SIL1: variants seen among roughly 807,000 people sequenced by gnomAD.
The protein encoded by SIL1 is SIL1 nucleotide exchange factor.
Under a neutral mutation model 49.1 loss-of-function variants are expected in SIL1, and 40 were observed. That is an observed-to-expected ratio of 0.81 (90% CI 0.63 to 1.06). The LOEUF (loss-of-function observed/expected upper bound fraction) is 1.06. Ranked by LOEUF, SIL1 falls within the 50% of genes least tolerant of loss-of-function variation. The probability of loss-of-function intolerance (pLI) is 0.00; values close to 1 mark genes in which losing one functional copy is unlikely to be tolerated. For synonymous variants in SIL1, 253 were observed against 250.8 expected, an observed-to-expected ratio of 1.01 and a Z score of -0.08; for missense variants, 500 against 572.6, an observed-to-expected ratio of 0.87 and a Z score of 1.29.
At chr5:139,148,206 C>T (rs904979929) in intron 1 of SIL1, among the ~76,000 whole-genome samples, 53 of 152,016 alleles carry the variant, frequency 3.5e-4, no homozygotes, top group African/African-American at 1.2e-3. Flanking sequence ...AACATTCAGG[C>T]ATGTGTACAG....
rs770327749 is a variant in SIL1, at chr5:139,015,780, T to C, written c.767+5391A>G. 2.0e-5 allele frequency among the ~76,000 whole-genome samples: 3 copies of C among 152,332 alleles called. No individual in the cohort carries two copies. In the South Asian group the frequency reaches 6.2e-4, roughly 32 times the overall value. On this transcript the variant is annotated intron_variant, in intron 7 of 9. Coordinates refer to ENST00000394817, the MANE Select transcript of SIL1 (RefSeq NM_022464.5). ...TCTCATTGGTCAGAACTGGGCCACATGGCCATCTCTAAACTAATACACATC... is the reference window on the plus strand; with the variant it reads ...TCTCATTGGTCAGAACTGGGCCACACGGCCATCTCTAAACTAATACACATC...
At chr5:139,054,411 A>G (rs1177215991) in intron 3 of SIL1, among the ~76,000 whole-genome samples, 1 of 152,184 alleles carries the variant, frequency 6.6e-6, no homozygotes, top group East Asian at 1.9e-4. Flanking sequence ...ACTTGTCTCT[A>G]AATTAAAAAA....
intron 3 of SIL1, among the ~76,000 whole-genome samples, chr5:139,100,718 ATG>A (rs1304505769): frequency 1.3e-5 from 2 of 152,156 alleles, no homozygotes; most frequent in Non-Finnish European, 1.5e-5. Flanking sequence ...GTCAGACAGA[ATG>A]TGGGGTCTTA....
intron 7 of SIL1, among the ~76,000 whole-genome samples, chr5:139,003,826 A>C (rs982899914): frequency 2.0e-5 from 3 of 152,218 alleles, no homozygotes; most frequent in African/African-American, 7.2e-5. Flanking sequence ...TCTTTGCTTC[A>C]ATAAATGAAT....
At position 139,006,690 on chromosome 5, in the gene SIL1, T is replaced by A. The variant is rs558366741; in HGVS notation, c.767+14481A>T. Reference sequence around the variant, plus strand: ...GCTTTCTACATATGGCTAGCCAGTTTTCCCAGCACCATTTATTAAATAGGG... The same window carrying A: ...GCTTTCTACATATGGCTAGCCAGTTATCCCAGCACCATTTATTAAATAGGG... On this transcript the variant is annotated intron_variant, in intron 7 of 9. Transcript: ENST00000394817. Among the ~76,000 whole-genome samples the A allele has an allele frequency of 6.7e-5, 10 of 149,962 alleles. No individual in the cohort carries two copies. The South Asian group carries it at 1.9e-3, about 29-fold the overall frequency.
intron 7 of SIL1, among the ~76,000 whole-genome samples, chr5:138,985,631 T>A (rs1767634334): frequency 6.6e-6 from 1 of 152,180 alleles, no homozygotes; most frequent in South Asian, 2.1e-4. Context: ...TGCTCTTGTT[T>A]TCACAGAGAC....
chr5:138,957,638 C>T (rs1462546467), intron 7 of SIL1, among the ~76,000 whole-genome samples: 1 of 152,060 alleles, frequency 6.6e-6, no homozygotes, highest in East Asian at 1.9e-4. Context: ...AGTAAATAAA[C>T]TCCCATCCAG....
At chr5:139,027,793 C>T (rs1388078258) in intron 5 of SIL1, among the ~76,000 whole-genome samples, 2 of 152,074 alleles carry the variant, frequency 1.3e-5, no homozygotes, top group Admixed American at 6.5e-5. Context: ...ATCTGTCTTC[C>T]AAGAAAAACT....
intron 3 of SIL1, among the ~76,000 whole-genome samples, chr5:139,089,867 C>T (rs1770305114): frequency 1.3e-5 from 2 of 152,094 alleles, no homozygotes; most frequent in Non-Finnish European, 1.5e-5. Flanking sequence ...AAAATGTTTT[C>T]GGATTAAATA....
chr5:139,166,877 C>T (rs757428246), intron 1 of SIL1, among the ~76,000 whole-genome samples: 1 of 152,138 alleles, frequency 6.6e-6, no homozygotes, highest in Non-Finnish European at 1.5e-5. Context: ...GGCACAATCT[C>T]AGCTCACTGC....
chr5:139,011,040 T>G (rs1768252459), intron 7 of SIL1, among the ~76,000 whole-genome samples: 1 of 150,002 alleles, frequency 6.7e-6, no homozygotes, highest in African/African-American at 2.4e-5. Flanking sequence ...GCCTGGGCAA[T>G]GGCGGGCGCC....
chr5:139,154,158 AT>A (rs1479502878), intron 1 of SIL1, among the ~76,000 whole-genome samples: 1 of 152,252 alleles, frequency 6.6e-6, no homozygotes, highest in African/African-American at 2.4e-5. Flanking sequence ...TTTATAAGAC[AT>A]CTGCATTTAC....
At position 139,113,934 on chromosome 5, in the gene SIL1, T is replaced by C. The variant is rs182719463; in HGVS notation, c.244+7101A>G. On this transcript the variant is annotated intron_variant, in intron 3 of 9. Coordinates refer to ENST00000394817, the MANE Select transcript of SIL1 (RefSeq NM_022464.5). ...TTTGAGAGTTGAGGCTATGCCACTCTGCTCAGCACTCCTGATTAAACCTCA... is the reference window on the plus strand; with the variant it reads ...TTTGAGAGTTGAGGCTATGCCACTCCGCTCAGCACTCCTGATTAAACCTCA... Among the ~76,000 whole-genome samples the C allele has an allele frequency of 3.0e-4, 45 of 152,360 alleles. 1 individual carries two copies. In the East Asian group the frequency reaches 8.5e-3, roughly 29 times the overall value.
At chr5:139,166,197 A>G (rs1253858470) in intron 1 of SIL1, among the ~76,000 whole-genome samples, 2 of 152,248 alleles carry the variant, frequency 1.3e-5, no homozygotes, top group Non-Finnish European at 2.9e-5. Flanking sequence ...CTGCACTGAC[A>G]GAATTTGTCT....
At chr5:139,054,942 A>C (rs2043272) in intron 3 of SIL1, among the ~76,000 whole-genome samples, 63,813 of 152,088 alleles carry the variant, frequency 0.42, 14,219 homozygotes, top group African/African-American at 0.58. Context: ...CCAAGTTAGA[A>C]AGATAGTATA....
At chr5:139,084,650 G>A (rs1364748138) in intron 3 of SIL1, among the ~76,000 whole-genome samples, 1 of 119,940 alleles carries the variant, frequency 8.3e-6, no homozygotes, top group Non-Finnish European at 1.7e-5. Context: ...CGGGGGAGGG[G>A]GGAGGGATAG....
At chr5:139,092,125 T>G in intron 3 of SIL1, among the ~76,000 whole-genome samples, 1 of 152,316 alleles carries the variant, frequency 6.6e-6, no homozygotes, top group South Asian at 2.1e-4. Flanking sequence ...GGGAAACCCC[T>G]GGCAGGCTGC....
intron 3 of SIL1, among the ~76,000 whole-genome samples, chr5:139,117,526 G>A (rs1455828123): frequency 2.0e-5 from 3 of 152,104 alleles, no homozygotes; most frequent in Non-Finnish European, 4.4e-5. Context: ...AACTGCACAG[G>A]TCCAAAGTCC....
chr5:139,155,033 C>A (rs1413653570), intron 1 of SIL1, among the ~76,000 whole-genome samples: 1 of 152,166 alleles, frequency 6.6e-6, no homozygotes, highest in Admixed American at 6.5e-5. Flanking sequence ...ATTTACAGTA[C>A]CTCACTGGGG....
Sources: gnomAD v4.1 joint callset for allele counts (sites outside exome capture counted in the v4.1 genomes callset) on GRCh38, gnomAD v4.1.1 for gene constraint, MANE v1.5 for transcripts, NCBI Gene and HGNC (gene_info 2026-07-23, HGNC 2026-07-21) for gene names.